PCDH7: variants seen among roughly 807,000 people sequenced by gnomAD.
The protein encoded by PCDH7 is protocadherin 7, also known as protocadherin-7.
PCDH7 carries 17 observed loss-of-function variants against 58.9 expected under a neutral mutation model. The ratio of observed to expected loss-of-function variants is 0.29; its 90% CI spans 0.20 to 0.43. The LOEUF (loss-of-function observed/expected upper bound fraction) is 0.43. Ranked by LOEUF, PCDH7 falls within the 20% of genes least tolerant of loss-of-function variation. PCDH7 has a pLI of 1.00. For missense variants in PCDH7, 1,274 were observed against 1,441.0 expected, an observed-to-expected ratio of 0.88 and a Z score of 1.88; for synonymous variants, 664 against 616.4, an observed-to-expected ratio of 1.08 and a Z score of -1.14.
At chr4:30,905,051 C>G (rs1165825296) in intron 1 of PCDH7, among the ~76,000 whole-genome samples, 2 of 151,782 alleles carry the variant, frequency 1.3e-5, no homozygotes, top group African/African-American at 2.4e-5. Flanking sequence ...TGTGAAATGT[C>G]TAAGATAGAA....
At chr4:30,784,842 T>G (rs1209591964) in intron 1 of PCDH7, among the ~76,000 whole-genome samples, 1 of 152,014 alleles carries the variant, frequency 6.6e-6, no homozygotes, top group Non-Finnish European at 1.5e-5. Flanking sequence ...TTTACTATAG[T>G]TTGAAAGAGG....
chr4:30,861,955 A>G (rs973509430), intron 1 of PCDH7, among the ~76,000 whole-genome samples: 1 of 152,126 alleles, frequency 6.6e-6, no homozygotes, highest in African/African-American at 2.4e-5. Flanking sequence ...TATAAATTCT[A>G]TACATGGGAA....
intron 1 of PCDH7, among the ~76,000 whole-genome samples, chr4:30,830,398 AC>A (rs1465732389): frequency 2.8e-5 from 4 of 144,932 alleles, no homozygotes; most frequent in African/African-American, 1.1e-4. Flanking sequence ...TAATTTTTGT[AC>A]ATCCTGCTGA....
intron 3 of PCDH7, among the ~76,000 whole-genome samples, chr4:31,090,148 G>A (rs1025794298): frequency 6.6e-6 from 1 of 151,964 alleles, no homozygotes; most frequent in Non-Finnish European, 1.5e-5. Context: ...AGCTTATTCA[G>A]GTCATTGTAC....
chr4:30,963,048 G>C (rs1748621112), intron 3 of PCDH7, among the ~76,000 whole-genome samples: 1 of 152,116 alleles, frequency 6.6e-6, no homozygotes, highest in Non-Finnish European at 1.5e-5. Context: ...GTTGCTGTTA[G>C]AGTGAGAAAG....
intron 3 of PCDH7, among the ~76,000 whole-genome samples, chr4:31,023,067 C>T (rs916311193): frequency 1.3e-5 from 2 of 152,150 alleles, no homozygotes; most frequent in Non-Finnish European, 2.9e-5. Context: ...CAAATGTTTG[C>T]AATGGACATT....
intron 1 of PCDH7, among the ~76,000 whole-genome samples, chr4:30,772,657 A>G (rs948186554): frequency 6.6e-6 from 1 of 152,210 alleles, no homozygotes; most frequent in Non-Finnish European, 1.5e-5. Flanking sequence ...CTGTGACTCT[A>G]GCAAGGCAGG....
At chr4:30,795,068 G>A (rs978064731) in intron 1 of PCDH7, among the ~76,000 whole-genome samples, 1 of 151,896 alleles carries the variant, frequency 6.6e-6, no homozygotes, top group African/African-American at 2.4e-5. Context: ...AAATTAAAAG[G>A]CGAATTATTT....
chr4:30,822,874 T>A (rs377258056), intron 1 of PCDH7, among the ~76,000 whole-genome samples: 1 of 152,296 alleles, frequency 6.6e-6, no homozygotes, highest in South Asian at 2.1e-4. Context: ...TTAATTCTCT[T>A]TTGAAAGCAA....
chr4:30,779,182 C>G (rs1027212280), intron 1 of PCDH7, among the ~76,000 whole-genome samples: 7 of 151,742 alleles, frequency 4.6e-5, no homozygotes, highest in Admixed American at 3.9e-4. Context: ...CACCACCACA[C>G]CCGGCTGTTT....
intron 3 of PCDH7, among the ~76,000 whole-genome samples, chr4:31,121,513 G>C (rs1010144426): frequency 2.0e-5 from 3 of 152,102 alleles, no homozygotes; most frequent in Non-Finnish European, 4.4e-5. Flanking sequence ...AATAATCTGT[G>C]GATACTTGGA....
intron 1 of PCDH7, among the ~76,000 whole-genome samples, chr4:30,886,783 C>T (rs913613292): frequency 6.0e-5 from 9 of 150,950 alleles, no homozygotes; most frequent in Non-Finnish European, 1.2e-4. Flanking sequence ...CCATGGAATA[C>T]TATGCAGCCA....
chr4:31,040,240 C>T (rs1755744870), intron 3 of PCDH7, among the ~76,000 whole-genome samples: 1 of 152,146 alleles, frequency 6.6e-6, no homozygotes, highest in African/African-American at 2.4e-5. Flanking sequence ...CTTTGTGCCT[C>T]CTTTGAATCC....
At chr4:30,840,269 C>A (rs1034836934) in intron 1 of PCDH7, among the ~76,000 whole-genome samples, 1 of 152,080 alleles carries the variant, frequency 6.6e-6, no homozygotes, top group Admixed American at 6.6e-5. Context: ...GGTGCCTTGT[C>A]TCCCTGCCTT....
intron 1 of PCDH7, among the ~76,000 whole-genome samples, chr4:30,908,131 G>T (rs1046913101): frequency 3.3e-5 from 5 of 151,800 alleles, no homozygotes; most frequent in Non-Finnish European, 4.4e-5. Flanking sequence ...GATAGCATTA[G>T]GAGAAATACC....
chr4:30,879,400 G>A (rs1736676332), intron 1 of PCDH7, among the ~76,000 whole-genome samples: 1 of 152,064 alleles, frequency 6.6e-6, no homozygotes, highest in African/African-American at 2.4e-5. Context: ...TAGATCAGAT[G>A]ATTTTAAATT....
chr4:31,005,172 G>A (rs1318741652), intron 3 of PCDH7, among the ~76,000 whole-genome samples: 5 of 152,162 alleles, frequency 3.3e-5, no homozygotes, highest in Non-Finnish European at 7.4e-5. Context: ...CAAACTGCTC[G>A]GCAGATGTTA....
At chr4:30,826,048 A>G (rs977983356) in intron 1 of PCDH7, among the ~76,000 whole-genome samples, 22 of 151,792 alleles carry the variant, frequency 1.4e-4, no homozygotes, top group African/African-American at 5.3e-4. Flanking sequence ...TTCAAGCATC[A>G]TTGCTGCCTC....
rs890732756 is a variant in PCDH7 at position 30,929,345 on chromosome 4, A to G, written c.287+8976A>G. Among the ~76,000 whole-genome samples the G allele has an allele frequency of 3.3e-5, 5 of 152,184 alleles. No individual in the cohort carries two copies. The South Asian group carries it at 1.0e-3, about 31-fold the overall frequency. On this transcript the variant is annotated intron_variant, in intron 2 of 3. Coordinates refer to the PCDH7 transcript ENST00000509759. ...ATCCCTTTATACTGAAATATAGACAATAGGTTGCTTTGTTTTTAAATCTTG... is the reference window on the plus strand; with the variant it reads ...ATCCCTTTATACTGAAATATAGACAGTAGGTTGCTTTGTTTTTAAATCTTG...
Sources: allele counts gnomAD v4.1 joint callset (sites outside exome capture counted in the v4.1 genomes callset), GRCh38; gene constraint gnomAD v4.1.1; transcripts MANE v1.5; gene names NCBI Gene and HGNC (gene_info 2026-07-23, HGNC 2026-07-21).